Variants in ABHD5 observed in about 807,000 individuals in gnomAD.
The protein encoded by ABHD5 is 1-acylglycerol-3-phosphate O-acyltransferase ABHD5.
Under a neutral mutation model 44.9 loss-of-function variants are expected in ABHD5, and 30 were observed. The observed-to-expected ratio is 0.67, with a 90% CI of 0.50 to 0.91. ABHD5 has a LOEUF of 0.91. ABHD5 is among the 40% of genes least tolerant of loss of function. The pLI is 0.00. For synonymous variants in ABHD5, 167 were observed against 147.0 expected, an observed-to-expected ratio of 1.14 and a Z score of -0.99; for missense variants, 399 against 423.4, an observed-to-expected ratio of 0.94 and a Z score of 0.50.
At chr3:43,728,476 T>C (rs1039187095) in intron 7 of ABHD5, among the ~76,000 whole-genome samples, 5 of 152,114 alleles carry the variant, frequency 3.3e-5, no homozygotes, top group African/African-American at 9.7e-5. Context: ...TAAATAACTC[T>C]TTAAGAGGTG....
chr3:43,691,028 C>T lies in ABHD5; in HGVS notation c.36C>T (p.Asp12=), dbSNP rs202004711. 9 of 1,562,348 alleles carry T rather than the reference C, an allele frequency of 5.8e-6. No homozygotes were observed. The highest frequency in any genetic ancestry group is 7.8e-6 in the Non-Finnish European group (9 of 1,156,690). Residue 12 remains aspartate, a synonymous_variant, in exon 1 of 7, where the codon GAC becomes GAT. Coordinates refer to ENST00000644371, the MANE Select transcript of ABHD5 (RefSeq NM_016006.6). ...AGGAGGAGGAGGTGGACTCTGCCGA[C>T]ACCGGAGAGAGGTAAGCGCAGCCGG... is the stretch of plus-strand genomic sequence containing the variant. ...AAEEEEVDSA[D]TGERSGWLTG... is the part of the protein sequence containing the mutation.
chr3:43,699,237 T>G, intron 1 of ABHD5, 39 bp from the exon 2 acceptor site: 47 of 1,535,172 alleles, frequency 3.1e-5, no homozygotes, highest in Non-Finnish European at 3.8e-5. Context: ...GAGAAGAGCA[T>G]GAACTCACCT....
At chr3:43,692,358 G>A (rs1186431949) in intron 1 of ABHD5, among the ~76,000 whole-genome samples, 1 of 152,200 alleles carries the variant, frequency 6.6e-6, no homozygotes, top group Non-Finnish European at 1.5e-5. Context: ...GAACGTAATT[G>A]GTAGGTTGTG....
chr3:43,709,455 TCTG>T (rs1303552196), intron 3 of ABHD5, among the ~76,000 whole-genome samples: 1 of 152,214 alleles, frequency 6.6e-6, no homozygotes, highest in Non-Finnish European at 1.5e-5. Flanking sequence ...AGATGAGACT[TCTG>T]TCAAGTTTTC....
intron 7 of ABHD5, among the ~76,000 whole-genome samples, chr3:43,731,829 G>A (rs1009029764): frequency 7.3e-5 from 11 of 151,658 alleles, no homozygotes; most frequent in Admixed American, 3.3e-4. Context: ...GTGAAACTCC[G>A]TCTCAATAAA....
downstream of ABHD5, among the ~76,000 whole-genome samples, chr3:43,726,996 A>G (rs1415835189): frequency 6.6e-6 from 1 of 152,160 alleles, no homozygotes; most frequent in African/African-American, 2.4e-5. Context: ...TTAATACTTT[A>G]TCCTTAGCTG....
chr3:43,708,595 AC>A (rs1485558208), intron 3 of ABHD5, among the ~76,000 whole-genome samples: 1 of 152,196 alleles, frequency 6.6e-6, no homozygotes, highest in Non-Finnish European at 1.5e-5. Flanking sequence ...GCTTACATTT[AC>A]TGAATACTTA....
At chr3:43,692,944 T>C (rs914461968) in intron 1 of ABHD5, among the ~76,000 whole-genome samples, 20 of 152,216 alleles carry the variant, frequency 1.3e-4, no homozygotes, top group African/African-American at 4.8e-4. Context: ...AATGGTCATC[T>C]GATGGCTTTT....
Position 43,702,378 on chromosome 3 carries a change from C to T in ABHD5, c.297C>T (p.Cys99=), listed in dbSNP as rs1215688892. 5 of 1,614,202 alleles carry T rather than the reference C, an allele frequency of 3.1e-6. No homozygotes were observed. Among genetic ancestry groups the T allele is most frequent in the Admixed American group, 1.7e-5 (1 of 60,018 alleles). Residue 99 remains cysteine, a synonymous_variant, in exon 3 of 7, where the codon TGC becomes TGT. Coordinates refer to ENST00000644371, the MANE Select transcript of ABHD5 (RefSeq NM_016006.6). ...GGGCACTGAATTTTGGAGATCTTTG[C>T]ACCAACAGACCTGTCTATGCTTTTG... ...GLWALNFGDL[C]TNRPVYAFDL... is the part of the protein sequence containing the mutation.
intron 1 of ABHD5, among the ~76,000 whole-genome samples, chr3:43,697,284 C>T (rs1289315867): frequency 2.0e-5 from 3 of 151,500 alleles, no homozygotes. Context: ...TTTTCTTTGC[C>T]CCAGTTTGTC....
At chr3:43,714,129 CTTTTT>C (rs968534984) in intron 4 of ABHD5, among the ~76,000 whole-genome samples, 1 of 146,308 alleles carries the variant, frequency 6.8e-6, no homozygotes, top group Non-Finnish European at 1.5e-5. Context: ...TTCTTTCTTT[CTTTTT>C]TTCTTTTTTT....
At chr3:43,726,940 C>T (rs187078951), downstream of ABHD5, among the ~76,000 whole-genome samples, 224 of 152,296 alleles carry the variant, frequency 1.5e-3, 1 homozygote, top group African/African-American at 5.2e-3. Flanking sequence ...TGGAGTTTAA[C>T]TACATATGCT....
At chr3:43,715,322 G>A (rs2084750555) in intron 5 of ABHD5, among the ~76,000 whole-genome samples, 1 of 151,930 alleles carries the variant, frequency 6.6e-6, no homozygotes, top group Admixed American at 6.6e-5. Context: ...CACCACGCCC[G>A]GCTAATTATT....
Position 43,718,569 on chromosome 3 carries a change from A to T in ABHD5, c.*37A>T. On this transcript the variant is annotated 3_prime_UTR_variant, in exon 7 of 7. Coordinates refer to ENST00000644371, the MANE Select transcript of ABHD5 (RefSeq NM_016006.6). Reference sequence around the variant, plus strand: ...CTCTGATGGGAAAACCTGGTGACTGATATAGTTGTTCAGCAATAATTCATA... The same window carrying T: ...CTCTGATGGGAAAACCTGGTGACTGTTATAGTTGTTCAGCAATAATTCATA... The T allele has an allele frequency of 6.3e-7, 1 of 1,577,708 alleles. No homozygotes were observed. Among genetic ancestry groups the T allele is most frequent in the Non-Finnish European group, 8.7e-7 (1 of 1,146,798 alleles).
At chr3:43,697,522 A>G (rs373808548) in intron 1 of ABHD5, among the ~76,000 whole-genome samples, 1 of 152,148 alleles carries the variant, frequency 6.6e-6, no homozygotes, top group Non-Finnish European at 1.5e-5. Context: ...TTCACCTTTA[A>G]CCTCTAAAAA....
In ABHD5 at chr3:43,715,249, G is replaced by A. The variant is rs549116161; in HGVS notation, c.773+191G>A. Among the ~76,000 whole-genome samples, 145 of 152,084 alleles carry A rather than the reference G, an allele frequency of 9.5e-4. 1 individual carries two copies. The highest frequency in any genetic ancestry group is 3.4e-3 in the African/African-American group (142 of 41,466). Reference sequence around the variant, plus strand: ...GATCTTGGCTCACCACAACCTCCGCGTCCTGGGTTCAAGCAATTCTCCTGC... The same window carrying A: ...GATCTTGGCTCACCACAACCTCCGCATCCTGGGTTCAAGCAATTCTCCTGC... On this transcript the variant is annotated intron_variant, in intron 5 of 6. Transcript: ENST00000644371.
At chr3:43,694,116 C>G (rs1322635065) in intron 1 of ABHD5, among the ~76,000 whole-genome samples, 2 of 140,438 alleles carry the variant, frequency 1.4e-5, no homozygotes, top group Admixed American at 7.1e-5. Context: ...AAAAATTAGC[C>G]GGGCAAGGTG....
In ABHD5 at chr3:43,694,500, G is replaced by T. The variant is rs1437229318; in HGVS notation, c.47+3461G>T. On this transcript the variant is annotated intron_variant, in intron 1 of 6. Transcript: ENST00000644371. ...TTATCTAGTGAATGAACTTATTTTA[G>T]AACTGATGCAAAGAAATGTCACTGA... 3.9e-5 allele frequency among the ~76,000 whole-genome samples: 6 copies of T among 152,016 alleles called. No individual in the cohort carries two copies. In the East Asian group the frequency reaches 1.2e-3, roughly 29 times the overall value.
chr3:43,731,116 C>T (rs2084910453), intron 7 of ABHD5, among the ~76,000 whole-genome samples: 1 of 152,218 alleles, frequency 6.6e-6, no homozygotes, highest in African/African-American at 2.4e-5. Context: ...GCGTGAGCCA[C>T]TGCGCCCGGC....
Sources: allele counts gnomAD v4.1 joint callset (sites outside exome capture counted in the v4.1 genomes callset), GRCh38; gene constraint gnomAD v4.1.1; transcripts MANE v1.5; gene names NCBI Gene and HGNC (gene_info 2026-07-23, HGNC 2026-07-21).